HMCN1: variants seen among roughly 807,000 people sequenced by gnomAD.
HMCN1 encodes the protein hemicentin 1, also known as hemicentin-1.
HMCN1 carries 321 observed loss-of-function variants against 625.9 expected under a neutral mutation model. The observed-to-expected ratio is 0.51, with a 90% confidence interval of 0.47 to 0.56. The LOEUF (loss-of-function observed/expected upper bound fraction) is 0.56, where lower values mean the gene tolerates loss of function less well. Ranked by LOEUF, HMCN1 falls within the 20% of genes least tolerant of loss-of-function variation. HMCN1 has a pLI of 0.00. For synonymous variants in HMCN1, 2,425 were observed against 2,417.6 expected, an observed-to-expected ratio of 1.00 and a Z score of -0.09; for missense variants, 6,588 against 6,887.3, an observed-to-expected ratio of 0.96 and a Z score of 1.54.
chr1:186,175,896 GAAAAGA>G (rs1652542373), intron 103 of HMCN1, among the ~76,000 whole-genome samples: 1 of 105,330 alleles, frequency 9.5e-6, no homozygotes, highest in Admixed American at 8.7e-5. Context: ...AAAAAAGAAA[GAAAAGA>G]AAAGAAAAGA....
At chr1:185,922,322 C>T in intron 6 of HMCN1, 57 bp from the exon 7 acceptor site, 2 of 1,603,708 alleles carry the variant, frequency 1.2e-6, no homozygotes, top group East Asian at 4.5e-5. Context: ...GCGAGGGTTG[C>T]ATATGACCAG....
At chr1:186,110,074 A>G (rs1288179931) in intron 71 of HMCN1, among the ~76,000 whole-genome samples, 1 of 152,176 alleles carries the variant, frequency 6.6e-6, no homozygotes, top group African/African-American at 2.4e-5. Context: ...TCAGGTTTAG[A>G]CATTTTGAAT....
intron 30 of HMCN1, among the ~76,000 whole-genome samples, chr1:186,014,390 T>C (rs1208685341): frequency 6.6e-6 from 1 of 151,894 alleles, no homozygotes; most frequent in East Asian, 1.9e-4. Flanking sequence ...TAGTTACATA[T>C]GTATACATGT....
chr1:185,971,818 G>A (rs1650855520), intron 15 of HMCN1, among the ~76,000 whole-genome samples: 1 of 151,998 alleles, frequency 6.6e-6, no homozygotes, highest in African/African-American at 2.4e-5. Context: ...ATGCCCTTGG[G>A]GGAGAATCAA....
chr1:185,892,072 C>T (rs1330701591), intron 4 of HMCN1, among the ~76,000 whole-genome samples: 3 of 151,036 alleles, frequency 2.0e-5, no homozygotes, highest in Non-Finnish European at 1.5e-5. Context: ...CATCTTCCAT[C>T]GCTGTTACCC....
intron 11 of HMCN1, among the ~76,000 whole-genome samples, chr1:185,940,793 C>T (rs987025719): frequency 1.3e-5 from 2 of 151,768 alleles, no homozygotes; most frequent in Admixed American, 6.6e-5. Flanking sequence ...GACAAAGTCT[C>T]GGTCTTGTTG....
At chr1:186,162,945 G>C (rs1651609678) in intron 97 of HMCN1, among the ~76,000 whole-genome samples, 1 of 152,186 alleles carries the variant, frequency 6.6e-6, no homozygotes. Context: ...AAAGCTGTCA[G>C]ACAGGGACAT....
intron 15 of HMCN1, 64 bp from the exon 16 acceptor site, chr1:185,977,723 G>T: frequency 1.0e-6 from 1 of 1,001,952 alleles, no homozygotes; most frequent in African/African-American, 1.6e-5. Context: ...TAATATTTAA[G>T]TTTATGTTTA....
intron 2 of HMCN1, 101 bp from the exon 3 acceptor site, chr1:185,864,369 A>G: frequency 1.8e-6 from 2 of 1,114,828 alleles, no homozygotes; most frequent in Non-Finnish European, 2.7e-6. Flanking sequence ...AATAAAAAGG[A>G]AAACTTGCTC....
At chr1:186,137,451 T>C in intron 87 of HMCN1, 47 bp from the exon 88 acceptor site, 2 of 1,589,512 alleles carry the variant, frequency 1.3e-6, no homozygotes, top group South Asian at 2.3e-5. Context: ...TCCTTTACAA[T>C]GTTTTATTTG....
intron 4 of HMCN1, among the ~76,000 whole-genome samples, chr1:185,872,222 C>A (rs1663662143): frequency 6.6e-6 from 1 of 152,100 alleles, no homozygotes; most frequent in Admixed American, 6.5e-5. Flanking sequence ...GGAATGCATA[C>A]CTGAACTTTA....
In HMCN1 at chr1:186,088,779, A is replaced by C. The variant is rs1396560966; in HGVS notation, c.9727+24A>C. 4.4e-6 allele frequency: 7 copies of C among 1,593,116 alleles called. No individual in the cohort carries two copies. The East Asian group carries it at 1.4e-4, about 31-fold the overall frequency. ...AGGTATGTATTGTCCACTATGATCT[A>C]TCTTCAATTTCTTTGTTATTCCATT... On this transcript the variant is annotated intron_variant, in intron 63 of 106. Transcript: ENST00000271588.
At chr1:185,974,648 A>G (rs1651070068) in intron 15 of HMCN1, among the ~76,000 whole-genome samples, 1 of 152,142 alleles carries the variant, frequency 6.6e-6, no homozygotes, top group Non-Finnish European at 1.5e-5. Flanking sequence ...TACATTCAGG[A>G]GTAGGAAGTA....
chr1:186,095,603 A>C lies in HMCN1; in HGVS notation c.10573+82A>C, dbSNP rs1660098846. The stretch of plus-strand genomic sequence containing the variant: ...TTAGTAAATAAGTATAATTCTGAGA[A>C]TCAGTTGCTGTGAGAGAATTTTTTA... On this transcript the variant is annotated intron_variant, in intron 68 of 106. Transcript: ENST00000271588. 2.8e-6 allele frequency: 4 copies of C among 1,443,948 alleles called. No individual in the cohort carries two copies. The East Asian group carries it at 7.0e-5, about 25-fold the overall frequency. 89.4% of individuals were successfully genotyped at this position (1,443,948 alleles called of 1,614,324 possible).
chr1:186,068,448 A>G (rs1159797268), intron 50 of HMCN1, among the ~76,000 whole-genome samples: 2 of 152,198 alleles, frequency 1.3e-5, no homozygotes, highest in Non-Finnish European at 2.9e-5. Context: ...GCTTTAAGAG[A>G]CTGACAGTCT....
In HMCN1 at chr1:185,933,660, G is replaced by C. The variant is rs777264684; in HGVS notation, c.1664G>C (p.Arg555Thr). ...GTGGATTACAATCTAACCTGGCAGA[G>C]GAATGACAGAGATGTCAGACTGGCA... The part of the protein sequence containing the change: ...SAVDYNLTWQ[R>T]NDRDVRLAEP... Residue 555 changes from arginine (R) to threonine (T), a missense_variant, in exon 11 of 107, where the codon AGG (arginine) becomes ACG (threonine). By Grantham distance (71) the Arg-to-Thr change is moderately conservative. Coordinates refer to ENST00000271588, the MANE Select transcript of HMCN1 (RefSeq NM_031935.3). The C allele has an allele frequency of 7.4e-6, 12 of 1,614,058 alleles. No homozygotes were observed. Among genetic ancestry groups the C allele is most frequent in the Non-Finnish European group, 1.0e-5 (12 of 1,179,958 alleles).
intron 97 of HMCN1, among the ~76,000 whole-genome samples, chr1:186,163,140 G>T (rs1346452195): frequency 6.6e-6 from 1 of 152,198 alleles, no homozygotes; most frequent in Admixed American, 6.5e-5. Flanking sequence ...CCTCACTGCT[G>T]CCTTGCAGTT....
intron 28 of HMCN1, among the ~76,000 whole-genome samples, 193 bp from the exon 29 acceptor site, chr1:186,003,525 T>G (rs1215505769): frequency 1.3e-5 from 2 of 152,164 alleles, no homozygotes; most frequent in East Asian, 3.8e-4. Flanking sequence ...AAATATTTTA[T>G]AAATATGTTT....
rs1269728492 is a variant in HMCN1 at position 185,923,382 on chromosome 1, T to C, written c.1022-8T>C. On this transcript the variant is annotated splice_polypyrimidine_tract_variant and splice_region_variant and intron_variant, in intron 7 of 106. Coordinates refer to ENST00000271588, the MANE Select transcript of HMCN1 (RefSeq NM_031935.3). ...CTTGTAAATGATAACAAAATCTTTC[T>C]CTTGTAGGAATACCTACCTATGTAC... 2 of 1,600,750 alleles carry C rather than the reference T, an allele frequency of 1.2e-6. No individual in the cohort carries two copies. The highest frequency in any genetic ancestry group is 1.7e-6 in the Non-Finnish European group (2 of 1,169,786).
Sources: gnomAD v4.1 joint callset for allele counts (sites outside exome capture counted in the v4.1 genomes callset) on GRCh38, gnomAD v4.1.1 for gene constraint, MANE v1.5 for transcripts, NCBI Gene and HGNC (gene_info 2026-07-23, HGNC 2026-07-21) for gene names.